Variants in RBFOX1 observed in about 807,000 individuals in gnomAD.
The protein encoded by RBFOX1 is RNA binding protein fox-1 homolog 1.
Under a neutral mutation model 57.7 loss-of-function variants are expected in RBFOX1, and 8 were observed. The observed-to-expected ratio is 0.14, with a 90% confidence interval of 0.08 to 0.25. RBFOX1 has a LOEUF of 0.25. Ranked by LOEUF, RBFOX1 falls within the 10% of genes least tolerant of loss-of-function variation. RBFOX1 has a pLI of 1.00. For synonymous variants in RBFOX1, 326 were observed against 222.4 expected, an observed-to-expected ratio of 1.47 and a Z score of -4.15; for missense variants, 611 against 548.5, an observed-to-expected ratio of 1.11 and a Z score of -1.14.
At chr16:6,739,169 A>G (rs1454377251) in intron 3 of RBFOX1, among the ~76,000 whole-genome samples, 2 of 152,070 alleles carry the variant, frequency 1.3e-5, no homozygotes, top group African/African-American at 4.8e-5. Context: ...TTGAAAACAG[A>G]AAAACAAGAG....
chr16:7,573,902 G>C (rs1031706057), intron 5 of RBFOX1, among the ~76,000 whole-genome samples: 1 of 151,950 alleles, frequency 6.6e-6, no homozygotes, highest in African/African-American at 2.4e-5. Context: ...GCTTTGATGT[G>C]CTACAGCTTT....
chr16:7,357,924 T>G (rs1334815648), intron 4 of RBFOX1, among the ~76,000 whole-genome samples: 1 of 152,150 alleles, frequency 6.6e-6, no homozygotes, highest in Admixed American at 6.5e-5. Context: ...GGGAAGGAGT[T>G]GCTGTTTTTT....
intron 4 of RBFOX1, among the ~76,000 whole-genome samples, chr16:5,890,339 C>T (rs899534198): frequency 7.2e-5 from 11 of 152,112 alleles, no homozygotes; most frequent in African/African-American, 1.7e-4. Context: ...GTGAAGCTAG[C>T]GATAATTTCA....
chr16:6,431,091 T>G (rs1369653409), intron 2 of RBFOX1, among the ~76,000 whole-genome samples: 1 of 151,830 alleles, frequency 6.6e-6, no homozygotes, highest in African/African-American at 2.4e-5. Flanking sequence ...TGAGCCAGGA[T>G]TGTGCCATTG....
chr16:5,750,869 G>C (rs1211048870), intron 3 of RBFOX1, among the ~76,000 whole-genome samples: 2 of 152,222 alleles, frequency 1.3e-5, no homozygotes, highest in African/African-American at 4.8e-5. Context: ...TGCATCCACT[G>C]TCCTGTCCCC....
At chr16:7,554,860 A>T (rs1601694497) in intron 5 of RBFOX1, among the ~76,000 whole-genome samples, 2 of 152,318 alleles carry the variant, frequency 1.3e-5, no homozygotes, top group South Asian at 2.1e-4. Flanking sequence ...AAGAAAATAG[A>T]AGTTGAAAAT....
chr16:6,542,404 T>C (rs894524162), intron 2 of RBFOX1, among the ~76,000 whole-genome samples: 17 of 149,262 alleles, frequency 1.1e-4, no homozygotes, highest in Non-Finnish European at 1.9e-4. Flanking sequence ...TGTGCTTTCC[T>C]CTGAGCTCAA....
At chr16:6,906,363 G>A (rs1041682888) in intron 3 of RBFOX1, among the ~76,000 whole-genome samples, 10 of 151,940 alleles carry the variant, frequency 6.6e-5, no homozygotes, top group South Asian at 6.2e-4. Context: ...TTGAAAACTC[G>A]GTAATAACAC....
chr16:7,042,737 C>G (rs1047011799), intron 3 of RBFOX1, among the ~76,000 whole-genome samples: 3 of 152,070 alleles, frequency 2.0e-5, no homozygotes, highest in African/African-American at 4.8e-5. Context: ...ACCAGCCTGG[C>G]CAACATGGCA....
chr16:6,996,581 C>G (rs974247873), intron 3 of RBFOX1, among the ~76,000 whole-genome samples: 1 of 152,134 alleles, frequency 6.6e-6, no homozygotes, highest in East Asian at 1.9e-4. Context: ...TTTACTAGCC[C>G]AACGACTTTA....
intron 3 of RBFOX1, among the ~76,000 whole-genome samples, chr16:5,701,561 C>T (rs926672033): frequency 1.3e-5 from 2 of 152,112 alleles, no homozygotes; most frequent in Admixed American, 1.3e-4. Context: ...TCTCCAGTGG[C>T]TGGGACTCCA....
chr16:6,740,959 T>A lies in RBFOX1; in HGVS notation c.-16+86309T>A, dbSNP rs549576892. ...ATCAGGTGGGACAAACCAGTCTACC[T>A]AGTTTCAAGACGTTATGTAACTCCA... On this transcript the variant is annotated intron_variant, in intron 3 of 15. Coordinates refer to ENST00000550418, the MANE Select transcript of RBFOX1 (RefSeq NM_018723.4). 2.6e-5 allele frequency among the ~76,000 whole-genome samples: 4 copies of A among 152,318 alleles called. No homozygotes were observed. In the East Asian group the frequency reaches 7.7e-4, roughly 29 times the overall value.
chr16:6,733,313 C>T (rs1005854797), intron 3 of RBFOX1, among the ~76,000 whole-genome samples: 3 of 152,104 alleles, frequency 2.0e-5, no homozygotes, highest in Admixed American at 6.5e-5. Flanking sequence ...AGAAATATGA[C>T]TTGGGCATAT....
At chr16:6,810,132 T>G (rs1004417669) in intron 3 of RBFOX1, among the ~76,000 whole-genome samples, 1 of 151,962 alleles carries the variant, frequency 6.6e-6, no homozygotes, top group African/African-American at 2.4e-5. Context: ...CCAACAAATA[T>G]GCCTCTTATG....
At chr16:7,601,808 C>T (rs556981302) in intron 9 of RBFOX1, among the ~76,000 whole-genome samples, 1 of 152,146 alleles carries the variant, frequency 6.6e-6, no homozygotes, top group East Asian at 1.9e-4. Flanking sequence ...CCATTTCTAC[C>T]GATGTTTCAA....
chr16:6,021,591 A>G (rs2095078870), intron 1 of RBFOX1, among the ~76,000 whole-genome samples: 1 of 152,174 alleles, frequency 6.6e-6, no homozygotes, highest in Non-Finnish European at 1.5e-5. Context: ...GTTTGGAAGA[A>G]TCCCCTGGGC....
At chr16:5,945,110 C>T (rs2059374582) in intron 4 of RBFOX1, among the ~76,000 whole-genome samples, 1 of 151,978 alleles carries the variant, frequency 6.6e-6, no homozygotes, top group African/African-American at 2.4e-5. Flanking sequence ...CCGGGCACTC[C>T]CTGGTGCACA....
chr16:6,547,712 A>G (rs1455047530), intron 2 of RBFOX1, among the ~76,000 whole-genome samples: 1 of 152,168 alleles, frequency 6.6e-6, no homozygotes, highest in Non-Finnish European at 1.5e-5. Context: ...AGCAGAGATC[A>G]GAGAAAATCT....
At chr16:7,486,207 C>A in intron 4 of RBFOX1, among the ~76,000 whole-genome samples, 1 of 145,642 alleles carries the variant, frequency 6.9e-6, no homozygotes, top group Middle Eastern at 3.6e-3. Context: ...GCTGCAACCT[C>A]TGACTCCCGG....
Sources: allele counts gnomAD v4.1 joint callset (sites outside exome capture counted in the v4.1 genomes callset), GRCh38; gene constraint gnomAD v4.1.1; transcripts MANE v1.5; gene names NCBI Gene and HGNC (gene_info 2026-07-23, HGNC 2026-07-21).